Variants in FMN2 observed in about 807,000 individuals in gnomAD.
FMN2 encodes formin 2.
FMN2 carries 51 observed loss-of-function variants against 142.3 expected under a neutral mutation model. The observed-to-expected ratio is 0.36, with a 90% CI of 0.29 to 0.45. The LOEUF (loss-of-function observed/expected upper bound fraction) is 0.45. Ranked by LOEUF, FMN2 falls within the 20% of genes least tolerant of loss-of-function variation. The pLI is 1.00. For missense variants in FMN2, 1,936 were observed against 2,122.8 expected (o/e 0.91, Z 1.73); for synonymous variants, 882 against 869.8 (o/e 1.01, Z -0.25).
At chr1:240,110,379 C>T (rs1261988602) in intron 1 of FMN2, among the ~76,000 whole-genome samples, 1 of 152,190 alleles carries the variant, frequency 6.6e-6, no homozygotes, top group Non-Finnish European at 1.5e-5. Flanking sequence ...TGCAGAAATG[C>T]CTTTTACATT....
intron 4 of FMN2, among the ~76,000 whole-genome samples, chr1:240,202,763 A>G (rs1240776256): frequency 6.6e-6 from 1 of 152,140 alleles, no homozygotes; most frequent in African/African-American, 2.4e-5. Flanking sequence ...GTGCCTCATC[A>G]GAATCACTTT....
At chr1:240,434,891 G>A (rs1475433699) in intron 15 of FMN2, among the ~76,000 whole-genome samples, 1 of 151,248 alleles carries the variant, frequency 6.6e-6, no homozygotes, top group African/African-American at 2.4e-5. Flanking sequence ...TTTCTTTCAG[G>A]GAGTACTAGT....
At position 240,458,491 on chromosome 1, in the gene FMN2, A is replaced by T. The variant is rs914299969; in HGVS notation, c.5061-13881A>T. 4 of 152,332 alleles carry T rather than the reference A, an allele frequency of 2.6e-5. No individual in the cohort carries two copies. In the East Asian group the frequency reaches 7.7e-4, roughly 29 times the overall value. The allele number at this position is 152,332 out of a possible 1,614,324, so 9.4% of individuals were successfully genotyped here. A position where few individuals can be genotyped will look rare whatever the true frequency, so the allele number is the denominator to read the frequency against. On this transcript the variant is annotated intron_variant, in intron 16 of 17. Transcript: ENST00000319653. ...AAAAGTCTTACTAAACAAAAATAGG[A>T]TACAAATGATCCATACACATCATCC...
intron 6 of FMN2, among the ~76,000 whole-genome samples, chr1:240,246,680 A>G (rs1448740064): frequency 6.6e-6 from 1 of 152,192 alleles, no homozygotes; most frequent in African/African-American, 2.4e-5. Flanking sequence ...AGATGATTCA[A>G]GTACACATGA....
chr1:240,411,736 G>GT (rs1304126374), intron 15 of FMN2, among the ~76,000 whole-genome samples: 3 of 151,716 alleles, frequency 2.0e-5, no homozygotes, highest in Admixed American at 6.6e-5. Context: ...CTGCTGGAAA[G>GT]TTTTTTCTGG....
chr1:240,325,632 C>T (rs957676659), intron 8 of FMN2, among the ~76,000 whole-genome samples: 5 of 152,146 alleles, frequency 3.3e-5, no homozygotes, highest in African/African-American at 1.2e-4. Context: ...TTTGAGTCTC[C>T]CAACACACAT....
intron 15 of FMN2, among the ~76,000 whole-genome samples, chr1:240,426,708 G>T (rs1674945536): frequency 6.6e-6 from 1 of 151,926 alleles, no homozygotes; most frequent in East Asian, 1.9e-4. Flanking sequence ...ATATATTTTA[G>T]TATGTTTCTC....
At chr1:240,155,985 T>G (rs1160260780) in intron 2 of FMN2, among the ~76,000 whole-genome samples, 1 of 151,806 alleles carries the variant, frequency 6.6e-6, no homozygotes, top group African/African-American at 2.4e-5. Context: ...ACTCCTGTAA[T>G]CCTAGCACTT....
intron 16 of FMN2, chr1:240,458,108 T>G (rs1454579569): frequency 2.0e-5 from 3 of 152,162 alleles, no homozygotes; most frequent in African/African-American, 7.2e-5. Flanking sequence ...AGGGTCACAA[T>G]GGAAAGGAAA....
At chr1:240,278,264 T>G (rs1172385116) in intron 7 of FMN2, among the ~76,000 whole-genome samples, 1 of 152,136 alleles carries the variant, frequency 6.6e-6, no homozygotes, top group East Asian at 1.9e-4. Context: ...ATCTTTGGAG[T>G]GCTGTATTCC....
chr1:240,366,048 A>G (rs1244478380), intron 14 of FMN2, among the ~76,000 whole-genome samples: 1 of 152,194 alleles, frequency 6.6e-6, no homozygotes, highest in Non-Finnish European at 1.5e-5. Flanking sequence ...AAGAAGGCAG[A>G]GTGTTACCTT....
chr1:240,285,203 G>A (rs1669543523), intron 7 of FMN2: 1 of 455,332 alleles, frequency 2.2e-6, no homozygotes, highest in African/African-American at 2.0e-5. Flanking sequence ...GTGTGGTGAG[G>A]TGAAGTCATA....
intron 4 of FMN2, among the ~76,000 whole-genome samples, chr1:240,195,123 G>A (rs1020708): frequency 0.41 from 62,920 of 151,908 alleles, 13,654 homozygotes; most frequent in Non-Finnish European, 0.47. Context: ...ATGTATTTGC[G>A]AACTCACCTA....
At chr1:240,285,362 G>A (rs1669550312) in intron 7 of FMN2, 2 of 448,770 alleles carry the variant, frequency 4.5e-6, no homozygotes, top group East Asian at 7.0e-5. Flanking sequence ...TGTATAGAGT[G>A]TGCTGTCTGT....
chr1:240,208,816 T>G, intron 5 of FMN2, 84 bp downstream of exon 5: 2 of 1,479,512 alleles, frequency 1.4e-6, no homozygotes, highest in Non-Finnish European at 1.8e-6. Flanking sequence ...AAATTACTGT[T>G]GAATGTATTT....
intron 1 of FMN2, among the ~76,000 whole-genome samples, chr1:240,099,295 C>T (rs1373971014): frequency 1.3e-5 from 2 of 151,702 alleles, no homozygotes; most frequent in Non-Finnish European, 2.9e-5. Context: ...ACTAGTTGAG[C>T]CCCAGTTTTG....
chr1:240,105,810 A>G (rs1661587017), intron 1 of FMN2, among the ~76,000 whole-genome samples: 1 of 152,206 alleles, frequency 6.6e-6, no homozygotes, highest in African/African-American at 2.4e-5. Flanking sequence ...AAGTTTATTT[A>G]GTAAAATCTA....
intron 13 of FMN2, among the ~76,000 whole-genome samples, chr1:240,344,798 C>T (rs1194442136): frequency 6.6e-6 from 1 of 152,156 alleles, no homozygotes; most frequent in East Asian, 1.9e-4. Context: ...ACTTCCCTGT[C>T]ATTTTGAGTT....
intron 13 of FMN2, among the ~76,000 whole-genome samples, chr1:240,335,293 ACAAGTTGG>A: frequency 6.6e-6 from 1 of 152,306 alleles, no homozygotes; most frequent in African/African-American, 2.4e-5. Context: ...TTGGAGCCTT[ACAAGTTGG>A]TGCTCATTGA....
Sources: gnomAD v4.1 joint callset for allele counts (sites outside exome capture counted in the v4.1 genomes callset) on GRCh38, gnomAD v4.1.1 for gene constraint, MANE v1.5 for transcripts, NCBI Gene and HGNC (gene_info 2026-07-23, HGNC 2026-07-21) for gene names.